Variants in ELMO1 observed in about 807,000 individuals in gnomAD.
The protein encoded by ELMO1 is engulfment and cell motility protein 1.
A neutral mutation model predicts 98.9 loss-of-function variants in ELMO1; 26 were observed. The ratio of observed to expected loss-of-function variants is 0.26; its 90% CI spans 0.19 to 0.36. ELMO1 has a LOEUF of 0.36. Among genes scored for constraint, ELMO1 ranks in the 10% least tolerant of loss-of-function variants. The probability of loss-of-function intolerance (pLI) is 1.00; values close to 1 mark genes in which losing one functional copy is unlikely to be tolerated. For synonymous variants in ELMO1, 346 were observed against 346.0 expected (o/e 1.00, Z 0.00); for missense variants, 627 against 935.2 (o/e 0.67, Z 4.30).
At chr7:36,972,963 T>C (rs1790106487) in intron 16 of ELMO1, among the ~76,000 whole-genome samples, 1 of 152,160 alleles carries the variant, frequency 6.6e-6, no homozygotes, top group Non-Finnish European at 1.5e-5. Context: ...GTATTTTTAG[T>C]GGAGACGAGG....
intron 16 of ELMO1, among the ~76,000 whole-genome samples, chr7:37,003,020 C>G (rs1792792064): frequency 6.6e-6 from 1 of 152,198 alleles, no homozygotes; most frequent in Non-Finnish European, 1.5e-5. Flanking sequence ...CGATTGATAT[C>G]TGAGCTGATT....
chr7:36,977,126 A>G (rs537109883), intron 16 of ELMO1, among the ~76,000 whole-genome samples: 1 of 152,372 alleles, frequency 6.6e-6, no homozygotes, highest in African/African-American at 2.4e-5. Context: ...GGAAAAGGAC[A>G]GAGACTGAGA....
intron 1 of ELMO1, among the ~76,000 whole-genome samples, chr7:37,374,123 C>A (rs371686561): frequency 6.6e-6 from 1 of 152,142 alleles, no homozygotes; most frequent in East Asian, 1.9e-4. Flanking sequence ...TTATTACACC[C>A]TGAGAGCATA....
chr7:37,133,668 G>A (rs566881589), intron 13 of ELMO1, among the ~76,000 whole-genome samples: 8 of 152,214 alleles, frequency 5.3e-5, no homozygotes, highest in Admixed American at 2.0e-4. Context: ...CCTTGACTCC[G>A]CATCCTTACG....
intron 2 of ELMO1, among the ~76,000 whole-genome samples, chr7:37,317,273 A>T (rs1799234379): frequency 6.6e-6 from 1 of 152,186 alleles, no homozygotes; most frequent in South Asian, 2.1e-4. Flanking sequence ...GTGTCCCTCC[A>T]GTGAACTCTC....
At chr7:37,431,259 C>A (rs375106082) in intron 1 of ELMO1, among the ~76,000 whole-genome samples, 49 of 152,128 alleles carry the variant, frequency 3.2e-4, no homozygotes, top group African/African-American at 8.9e-4. Context: ...ATGGCCTGAG[C>A]CCAGGAGTTC....
intron 13 of ELMO1, among the ~76,000 whole-genome samples, chr7:37,166,533 T>A (rs1732821092): frequency 6.6e-6 from 1 of 152,110 alleles, no homozygotes; most frequent in African/African-American, 2.4e-5. Context: ...TTCTGGTATG[T>A]TGTGTCTTTG....
chr7:37,213,303 T>G, intron 12 of ELMO1, 32 bp downstream of exon 12: 1 of 1,605,828 alleles, frequency 6.2e-7, no homozygotes, highest in South Asian at 1.1e-5. Flanking sequence ...CTGTCCTTCC[T>G]GTGCTTTGAC....
At chr7:36,987,597 G>A (rs1791606105) in intron 16 of ELMO1, among the ~76,000 whole-genome samples, 1 of 152,182 alleles carries the variant, frequency 6.6e-6, no homozygotes, top group East Asian at 1.9e-4. Flanking sequence ...TGAGGCTTCT[G>A]AGGAGACTGG....
chr7:37,369,122 T>C (rs1455949147), intron 1 of ELMO1, among the ~76,000 whole-genome samples: 1 of 152,202 alleles, frequency 6.6e-6, no homozygotes, highest in Admixed American at 6.5e-5. Flanking sequence ...ATTATAAAGA[T>C]GTCAACAAGG....
At chr7:37,018,020 T>C (rs943290825) in intron 15 of ELMO1, among the ~76,000 whole-genome samples, 2 of 152,196 alleles carry the variant, frequency 1.3e-5, no homozygotes, top group African/African-American at 4.8e-5. Context: ...CTGTGAAATA[T>C]ATAACTACAT....
chr7:37,395,214 A>G (rs977218557), intron 1 of ELMO1, among the ~76,000 whole-genome samples: 4 of 152,014 alleles, frequency 2.6e-5, no homozygotes, highest in African/African-American at 9.7e-5. Context: ...AAAATAATAC[A>G]AAATTAGCTG....
intron 13 of ELMO1, among the ~76,000 whole-genome samples, chr7:37,153,591 T>C (rs1262927070): frequency 6.6e-6 from 1 of 152,154 alleles, no homozygotes; most frequent in Non-Finnish European, 1.5e-5. Flanking sequence ...GAGGGGTGTC[T>C]GCCACTGCTG....
At chr7:37,105,312 T>C (rs1784883912) in intron 14 of ELMO1, among the ~76,000 whole-genome samples, 3 of 152,272 alleles carry the variant, frequency 2.0e-5, no homozygotes, top group African/African-American at 4.8e-5. Flanking sequence ...CTCTGCTGAC[T>C]ATTCAAAGGC....
chr7:37,286,656 A>G (rs1005426202), intron 4 of ELMO1, among the ~76,000 whole-genome samples: 7 of 152,226 alleles, frequency 4.6e-5, no homozygotes, highest in African/African-American at 4.8e-5. Flanking sequence ...AAATCTGCCA[A>G]AGAAGGAGGG....
chr7:37,096,534 G>T, intron 15 of ELMO1, 85 bp downstream of exon 15: 1 of 1,152,792 alleles, frequency 8.7e-7, no homozygotes. Context: ...CGGCATCTTG[G>T]GATTTCTTCA....
chr7:36,985,884 A>C, intron 16 of ELMO1: 1 of 997,484 alleles, frequency 1.0e-6, no homozygotes, highest in Non-Finnish European at 1.2e-6. Context: ...CAGGCTGATA[A>C]TACCGGTGGA....
intron 15 of ELMO1, among the ~76,000 whole-genome samples, chr7:37,095,801 C>T (rs552018153): frequency 2.6e-5 from 4 of 152,214 alleles, no homozygotes; most frequent in African/African-American, 9.6e-5. Context: ...TATGTTTTCA[C>T]AGTAATACCA....
At chr7:37,125,716 A>T (rs1346311981) in intron 14 of ELMO1, among the ~76,000 whole-genome samples, 1 of 152,240 alleles carries the variant, frequency 6.6e-6, no homozygotes, top group Non-Finnish European at 1.5e-5. Flanking sequence ...AAACTGGTTC[A>T]ACCATTGTGG....
Sources: gnomAD v4.1 joint callset for allele counts (sites outside exome capture counted in the v4.1 genomes callset) on GRCh38, gnomAD v4.1.1 for gene constraint, MANE v1.5 for transcripts, NCBI Gene and HGNC (gene_info 2026-07-23, HGNC 2026-07-21) for gene names.